The following CLASP1 variants were observed in gnomAD, a reference collection of about 807,000 sequenced individuals.
CLASP1 encodes the protein cytoplasmic linker associated protein 1, also known as CLIP-associating protein 1.
A neutral mutation model predicts 192.3 loss-of-function variants in CLASP1; 38 were observed. The observed-to-expected ratio is 0.20, with a 90% CI of 0.15 to 0.26. CLASP1 has a LOEUF of 0.26. Ranked by LOEUF, CLASP1 falls within the 10% of genes least tolerant of loss-of-function variation. CLASP1 has a pLI of 1.00. For missense variants in CLASP1, 1,433 were observed against 1,932.5 expected (o/e 0.74, Z 4.85); for synonymous variants, 691 against 712.8 (o/e 0.97, Z 0.49).
At chr2:121,375,608 C>A (rs193159333) in intron 34 of CLASP1, among the ~76,000 whole-genome samples, 2 of 152,160 alleles carry the variant, frequency 1.3e-5, no homozygotes, top group East Asian at 3.9e-4. Context: ...ATGATCCACC[C>A]GCCTCGGCCT....
chr2:121,439,457 C>A (rs1045507437), intron 19 of CLASP1, among the ~76,000 whole-genome samples: 1 of 151,948 alleles, frequency 6.6e-6, no homozygotes, highest in African/African-American at 2.4e-5. Context: ...CTCTTGTGGG[C>A]ATTTAGTGCT....
intron 23 of CLASP1, among the ~76,000 whole-genome samples, chr2:121,417,271 C>G (rs953883195): frequency 6.6e-6 from 1 of 152,092 alleles, no homozygotes; most frequent in African/African-American, 2.4e-5. Flanking sequence ...GATGCTTCCA[C>G]GGACAGTATC....
intron 18 of CLASP1, among the ~76,000 whole-genome samples, chr2:121,447,860 C>T (rs111967973): frequency 0.012 from 1,779 of 152,258 alleles, 31 homozygotes; most frequent in Non-Finnish European, 0.017. Flanking sequence ...AACTGTGCCA[C>T]GCCCTCTTAC....
intron 39 of CLASP1, among the ~76,000 whole-genome samples, chr2:121,344,040 C>T (rs1203870868): frequency 2.0e-5 from 3 of 151,966 alleles, no homozygotes; most frequent in Non-Finnish European, 4.4e-5. Context: ...CACCGCACTT[C>T]AGCCTGGGTG....
rs375712543 is a variant in CLASP1, at chr2:121,365,950, T to C, written c.3887-666A>G. Among the ~76,000 whole-genome samples the C allele has an allele frequency of 4.6e-5, 7 of 152,204 alleles. No homozygotes were observed. In the East Asian group the frequency reaches 1.3e-3, roughly 29 times the overall value. On this transcript the variant is annotated intron_variant, in intron 35 of 39. Coordinates refer to ENST00000263710, the Ensembl canonical transcript of CLASP1. Reference sequence around the variant, plus strand: ...GCACATCCTTTCTCCTCCATGTTCTTTTAAGAAACCTGAACTCTGAATATT... The same window carrying C: ...GCACATCCTTTCTCCTCCATGTTCTCTTAAGAAACCTGAACTCTGAATATT...
At chr2:121,522,513 T>G (rs2094480602) in intron 6 of CLASP1, among the ~76,000 whole-genome samples, 1 of 152,238 alleles carries the variant, frequency 6.6e-6, no homozygotes, top group Non-Finnish European at 1.5e-5. Context: ...TAGACAAGTC[T>G]CACATTTTCT....
At chr2:121,485,826 C>T (rs1022629815) in intron 8 of CLASP1, among the ~76,000 whole-genome samples, 9 of 152,294 alleles carry the variant, frequency 5.9e-5, no homozygotes, top group African/African-American at 9.6e-5. Context: ...TGTAAATGCC[C>T]GTCCTGTGCC....
chr2:121,450,368 A>C (rs1287029039), intron 16 of CLASP1, among the ~76,000 whole-genome samples: 1 of 152,176 alleles, frequency 6.6e-6, no homozygotes, highest in African/African-American at 2.4e-5. Context: ...TAACGAATAC[A>C]GAGGCCATGG....
intron 37 of CLASP1, 34 bp downstream of exon 38, chr2:121,363,138 C>G (rs754691427): frequency 7.4e-6 from 12 of 1,612,350 alleles, no homozygotes; most frequent in Non-Finnish European, 9.3e-6. Flanking sequence ...CATGACCCGT[C>G]TGTTCAGCAC....
chr2:121,499,799 T>G (rs1345419902), intron 8 of CLASP1, among the ~76,000 whole-genome samples: 1 of 151,350 alleles, frequency 6.6e-6, no homozygotes, highest in African/African-American at 2.4e-5. Context: ...AATAAACTTC[T>G]ATTCCTGCTC....
intron 30 of CLASP1, among the ~76,000 whole-genome samples, chr2:121,391,853 G>A (rs779757356): frequency 2.0e-5 from 3 of 152,062 alleles, no homozygotes; most frequent in Admixed American, 6.5e-5. Context: ...GCAGTGAGCC[G>A]AGATCGTGCC....
chr2:121,478,960 ACACCACACAC>A (rs2092286968), intron 8 of CLASP1, among the ~76,000 whole-genome samples: 3 of 44,204 alleles, frequency 6.8e-5, no homozygotes, highest in African/African-American at 9.7e-5. Flanking sequence ...CCACACACAC[ACACCACACAC>A]ACCACACACA....
At chr2:121,628,074 T>C (rs1000990950) in intron 1 of CLASP1, among the ~76,000 whole-genome samples, 1 of 152,218 alleles carries the variant, frequency 6.6e-6, no homozygotes, top group Non-Finnish European at 1.5e-5. Context: ...AACAAAAATT[T>C]GCTATATTTC....
Position 121,450,204 on chromosome 2 carries a change from G to A in CLASP1, c.1523+709C>T, listed in dbSNP as rs188550944. 2.1e-3 allele frequency among the ~76,000 whole-genome samples: 326 copies of A among 152,112 alleles called. 2 individuals are homozygous for A. Among genetic ancestry groups the A allele is most frequent in the Non-Finnish European group, 3.6e-3 (246 of 67,984 alleles). On this transcript the variant is annotated intron_variant, in intron 16 of 39. Transcript: ENST00000263710. ...ACATTAGCCAGGCGTGAGGGCAGGC[G>A]CCTGTAGTCCCAGCTACTTGGGAGG... is the stretch of plus-strand genomic sequence containing the variant.
chr2:121,522,751 G>A (rs2094487183), intron 6 of CLASP1, among the ~76,000 whole-genome samples: 1 of 152,154 alleles, frequency 6.6e-6, no homozygotes, highest in South Asian at 2.1e-4. Flanking sequence ...CTACTCCAGG[G>A]CTGCCAATGT....
At chr2:121,364,547 C>G (rs1453257745) in intron 36 of CLASP1, 1 of 161,126 alleles carries the variant, frequency 6.2e-6, no homozygotes, top group African/African-American at 2.4e-5. Flanking sequence ...TTCAAGTGTC[C>G]CAGCATGATG....
intron 7 of CLASP1, among the ~76,000 whole-genome samples, chr2:121,512,359 TTTA>T (rs1328023331): frequency 1.3e-5 from 2 of 152,194 alleles, no homozygotes; most frequent in East Asian, 3.8e-4. Flanking sequence ...GAGTTAACAT[TTTA>T]TTAAGTTGTC....
chr2:121,562,665 G>A (rs967183518), intron 2 of CLASP1, among the ~76,000 whole-genome samples: 1 of 152,184 alleles, frequency 6.6e-6, no homozygotes. Flanking sequence ...TTTACTAGGA[G>A]ATCAAACATA....
At chr2:121,578,842 A>AAC (rs758297508) in intron 2 of CLASP1, among the ~76,000 whole-genome samples, 1 of 152,152 alleles carries the variant, frequency 6.6e-6, no homozygotes, top group Non-Finnish European at 1.5e-5. Context: ...AGGAATTAAA[A>AAC]ACACACACAC....
Sources: allele counts gnomAD v4.1 joint callset (sites outside exome capture counted in the v4.1 genomes callset), GRCh38; gene constraint gnomAD v4.1.1; transcripts MANE v1.5; gene names NCBI Gene and HGNC (gene_info 2026-07-23, HGNC 2026-07-21).